The following RAB11FIP3 variants were observed in gnomAD, a reference collection of about 807,000 sequenced individuals.
The protein encoded by RAB11FIP3 is rab11 family-interacting protein 3.
In RAB11FIP3, 17 loss-of-function variants were observed where a neutral mutation model predicts 77.8. The observed-to-expected ratio is 0.22, with a 90% CI of 0.15 to 0.33. The LOEUF (loss-of-function observed/expected upper bound fraction) is 0.33. RAB11FIP3 is among the 10% of genes least tolerant of loss of function. The pLI is 1.00. For synonymous variants in RAB11FIP3, 437 were observed against 448.2 expected, an observed-to-expected ratio of 0.98 and a Z score of 0.31; for missense variants, 1,005 against 1,011.2, an observed-to-expected ratio of 0.99 and a Z score of 0.08.
At chr16:435,082 A>G (rs914021610) in intron 1 of RAB11FIP3, among the ~76,000 whole-genome samples, 7 of 151,462 alleles carry the variant, frequency 4.6e-5, no homozygotes, top group Non-Finnish European at 7.4e-5. Context: ...GCGGGTGCCT[A>G]TAGTCCCAGC....
At chr16:448,548 A>G (rs2055354588) in intron 1 of RAB11FIP3, among the ~76,000 whole-genome samples, 1 of 151,710 alleles carries the variant, frequency 6.6e-6, no homozygotes, top group Non-Finnish European at 1.5e-5. Flanking sequence ...CATCCTGGCT[A>G]ACACGGTGAA....
At chr16:488,826 A>G (rs1596264657) in intron 4 of RAB11FIP3, 25 bp from the exon 5 acceptor site, 7 of 1,608,026 alleles carry the variant, frequency 4.4e-6, no homozygotes, top group African/African-American at 4.0e-5. Context: ...CAGTCAGAAG[A>G]CATCATTTCT....
At chr16:511,308 G>A (rs1429877449) in intron 9 of RAB11FIP3, among the ~76,000 whole-genome samples, 2 of 117,642 alleles carry the variant, frequency 1.7e-5, no homozygotes, top group African/African-American at 3.4e-5. Context: ...TTGACAGCCC[G>A]CCCACCCCAG....
intron 1 of RAB11FIP3, among the ~76,000 whole-genome samples, chr16:428,806 C>A (rs1376020398): frequency 5.3e-5 from 8 of 152,114 alleles, no homozygotes; most frequent in Admixed American, 5.2e-4. Context: ...TTAATGATCA[C>A]AATGGGAAAA....
intron 1 of RAB11FIP3, among the ~76,000 whole-genome samples, chr16:431,800 A>G (rs2055041776): frequency 6.6e-6 from 1 of 151,008 alleles, no homozygotes; most frequent in South Asian, 2.1e-4. Flanking sequence ...TCTGTCACCC[A>G]GGCTGGAGTG....
chr16:431,595 G>A (rs190900398), intron 1 of RAB11FIP3, among the ~76,000 whole-genome samples: 328 of 151,934 alleles, frequency 2.2e-3, no homozygotes, highest in Non-Finnish European at 3.9e-3. Flanking sequence ...GGCTGGTCTC[G>A]AACACCAGAC....
chr16:475,244 T>TAAATCACCAGCGGACA, intron 3 of RAB11FIP3: 1 of 975,816 alleles, frequency 1.0e-6, no homozygotes, highest in Non-Finnish European at 1.4e-6. Flanking sequence ...CTCTGTCCGC[T>TAAATCACCAGCGGACA]GGTGATTTAG....
chr16:473,045 T>G (rs986458699), intron 3 of RAB11FIP3, among the ~76,000 whole-genome samples: 5 of 152,126 alleles, frequency 3.3e-5, no homozygotes, highest in Non-Finnish European at 5.9e-5. Context: ...GCTCACACCT[T>G]GGCTTTGGAC....
At chr16:479,698 G>A (rs1477912844) in intron 3 of RAB11FIP3, among the ~76,000 whole-genome samples, 1 of 152,076 alleles carries the variant, frequency 6.6e-6, no homozygotes, top group Admixed American at 6.6e-5. Flanking sequence ...CAAGGCTGGT[G>A]GATCACTTGA....
At chr16:456,688 C>T (rs1476655447) in intron 1 of RAB11FIP3, among the ~76,000 whole-genome samples, 1 of 152,072 alleles carries the variant, frequency 6.6e-6, no homozygotes, top group African/African-American at 2.4e-5. Flanking sequence ...AACCAGAAGG[C>T]GGAGGTTGTA....
At chr16:478,590 T>G (rs1258903294) in intron 3 of RAB11FIP3, among the ~76,000 whole-genome samples, 1 of 152,224 alleles carries the variant, frequency 6.6e-6, no homozygotes, top group East Asian at 1.9e-4. Context: ...TGCAAATTGT[T>G]AACCTCAGAG....
chr16:485,778 T>C (rs768719454), intron 4 of RAB11FIP3, among the ~76,000 whole-genome samples: 6 of 152,278 alleles, frequency 3.9e-5, no homozygotes, highest in Non-Finnish European at 7.3e-5. Flanking sequence ...ATTAGCACTT[T>C]TGTGTCCCAC....
At chr16:435,441 AGTG>A (rs755289143) in intron 1 of RAB11FIP3, among the ~76,000 whole-genome samples, 4 of 152,222 alleles carry the variant, frequency 2.6e-5, no homozygotes, top group Non-Finnish European at 4.4e-5. Context: ...AGCTCATAAA[AGTG>A]GTAATTATAA....
intron 5 of RAB11FIP3, among the ~76,000 whole-genome samples, chr16:490,099 C>T (rs2030041999): frequency 6.6e-6 from 1 of 152,236 alleles, no homozygotes; most frequent in Admixed American, 6.5e-5. Context: ...TCCCTGTCTC[C>T]TGTTCAGTGT....
chr16:464,903 A>C (rs181729143), intron 2 of RAB11FIP3, among the ~76,000 whole-genome samples: 3 of 152,312 alleles, frequency 2.0e-5, no homozygotes, highest in Non-Finnish European at 4.4e-5. Flanking sequence ...AAACAAAACA[A>C]AAAAAACTTG....
In RAB11FIP3 at chr16:506,723, T is replaced by A. The variant is rs2031893811; in HGVS notation, c.1499+1096T>A. ...TTGTGGGCATAACTTGCACATCATT[T>A]TAATTCTAACAAAGCAAAGCATGTG... is the stretch of plus-strand genomic sequence containing the variant. On this transcript the variant is annotated intron_variant, in intron 8 of 13. Transcript: ENST00000262305. This position sits in a 1 kb window ranked among gnomAD's most constrained non-coding sequence, Gnocchi z 4.5. Among the ~76,000 whole-genome samples, 1 of 152,204 alleles carries A rather than the reference T, an allele frequency of 6.6e-6. No individual in the cohort carries two copies. The highest frequency in any genetic ancestry group is 2.4e-5 in the African/African-American group (1 of 41,448).
chr16:511,341 G>A (rs1285635673), intron 9 of RAB11FIP3, among the ~76,000 whole-genome samples: 5 of 114,838 alleles, frequency 4.4e-5, no homozygotes, highest in Non-Finnish European at 5.3e-5. Context: ...AGGCAGGAGA[G>A]GTTCCTGACG....
At position 426,574 on chromosome 16, in the gene RAB11FIP3, A is replaced by AC; in HGVS notation, c.571dup (p.His191ProfsTer54). On this transcript the variant is annotated frameshift_variant, in exon 1 of 14. Coordinates refer to ENST00000262305, the MANE Select transcript of RAB11FIP3 (RefSeq NM_014700.4). LOFTEE classifies it high-confidence loss of function. The surrounding 1 kb of genome is among the most constrained non-coding windows in gnomAD (Gnocchi z 5.0). The stretch of plus-strand genomic sequence containing the variant: ...GCCGCAGCCCTCGGACCTCAGCCAG[A>AC]CCCACCCCCTTCCGAGCGAGCCCGT... The AC allele has an allele frequency of 1.9e-6, 3 of 1,594,160 alleles. No homozygotes were observed. Among genetic ancestry groups the AC allele is most frequent in the Non-Finnish European group, 2.6e-6 (3 of 1,172,106 alleles).
intron 1 of RAB11FIP3, among the ~76,000 whole-genome samples, chr16:456,049 C>T (rs777483037): frequency 6.6e-6 from 1 of 151,934 alleles, no homozygotes; most frequent in East Asian, 1.9e-4. Context: ...GAATTAAGGC[C>T]GGGCACGGTG....
Sources: allele counts gnomAD v4.1 joint callset (sites outside exome capture counted in the v4.1 genomes callset), GRCh38; gene constraint gnomAD v4.1.1; non-coding constraint Gnocchi (gnomAD v3.1); transcripts MANE v1.5; gene names NCBI Gene and HGNC (gene_info 2026-07-23, HGNC 2026-07-21).